Variants in UGT1A8 observed in about 807,000 individuals in gnomAD.
UGT1A8 encodes the protein UDP glucuronosyltransferase family 1 member A8.
A neutral mutation model predicts 45.3 loss-of-function variants in UGT1A8; 39 were observed. That is an observed-to-expected ratio of 0.86 (90% CI 0.67 to 1.12). The LOEUF (loss-of-function observed/expected upper bound fraction) is 1.12, where lower values mean the gene tolerates loss of function less well. Ranked by LOEUF, UGT1A8 falls within the 50% of genes most tolerant of loss-of-function variation. The probability of loss-of-function intolerance (pLI) is 0.00; values close to 1 mark genes in which losing one functional copy is unlikely to be tolerated. For synonymous variants in UGT1A8, 275 were observed against 249.2 expected, an observed-to-expected ratio of 1.10 and a Z score of -0.97; for missense variants, 719 against 664.9, an observed-to-expected ratio of 1.08 and a Z score of -0.90.
In UGT1A8 at chr2:233,772,139, G is replaced by T. The variant is rs1700470475; in HGVS notation, c.1296-123G>T. ...AAAAACAACAACAACAACAATAATA[G>T]AAACAGGTTTCCTTTCCCAAGTTTG... On this transcript the variant is annotated intron_variant, in intron 4 of 4. Coordinates refer to ENST00000373450, the MANE Select transcript of UGT1A8 (RefSeq NM_019076.5). The T allele has an allele frequency of 5.2e-6, 8 of 1,548,574 alleles. No homozygotes were observed. In the Admixed American group the frequency reaches 1.2e-4, roughly 23 times the overall value.
chr2:233,632,934 C>T lies in UGT1A8; in HGVS notation c.855+14372C>T, dbSNP rs528139221. Reference sequence around the variant, plus strand: ...CAGTTTTCAAAGGGAATGCTTCCAGCTTTTGCCCATTCAGTATGATATTGG... The same window carrying T: ...CAGTTTTCAAAGGGAATGCTTCCAGTTTTTGCCCATTCAGTATGATATTGG... On this transcript the variant is annotated intron_variant, in intron 1 of 4. Transcript: ENST00000373450. Among the ~76,000 whole-genome samples, 3 of 152,252 alleles carry T rather than the reference C, an allele frequency of 2.0e-5. 1 individual carries two copies. The South Asian group carries it at 6.2e-4, about 32-fold the overall frequency.
chr2:233,747,691 T>A, intron 1 of UGT1A8: 3 of 1,611,090 alleles, frequency 1.9e-6, no homozygotes, highest in Non-Finnish European at 2.5e-6. Context: ...TGTGGGGCAG[T>A]GCTGGCTAAG....
chr2:233,767,603 A>G (rs1699427666), intron 2 of UGT1A8, among the ~76,000 whole-genome samples: 1 of 152,166 alleles, frequency 6.6e-6, no homozygotes, highest in African/African-American at 2.4e-5. Context: ...GGAAAGTGAA[A>G]AAATCCTAAG....
At chr2:233,657,342 G>A (rs1489831210) in intron 1 of UGT1A8, among the ~76,000 whole-genome samples, 1 of 152,190 alleles carries the variant, frequency 6.6e-6, no homozygotes, top group African/African-American at 2.4e-5. Flanking sequence ...TCTGCAGGCT[G>A]TATAAGAATC....
At chr2:233,715,195 A>G (rs1327063054) in intron 1 of UGT1A8, among the ~76,000 whole-genome samples, 4 of 152,188 alleles carry the variant, frequency 2.6e-5, no homozygotes, top group South Asian at 2.1e-4. Context: ...CAATTTTTCT[A>G]TCTTTTAAAA....
chr2:233,712,754 C>T lies in UGT1A8; in HGVS notation c.856-54280C>T, dbSNP rs910147754. ...GCTTGAACTTGGATGTTCCCCAGAGCGAGCGCAAGGTCAGATGAGTTTTTC... is the reference window on the plus strand; with the variant it reads ...GCTTGAACTTGGATGTTCCCCAGAGTGAGCGCAAGGTCAGATGAGTTTTTC... On this transcript the variant is annotated intron_variant, in intron 1 of 4. Coordinates refer to ENST00000373450, the MANE Select transcript of UGT1A8 (RefSeq NM_019076.5). Among the ~76,000 whole-genome samples the T allele has an allele frequency of 2.6e-5, 4 of 151,984 alleles. No homozygotes were observed. The East Asian group carries it at 5.8e-4, about 22-fold the overall frequency.
chr2:233,744,539 T>C (rs1692841530), intron 1 of UGT1A8, among the ~76,000 whole-genome samples: 1 of 151,924 alleles, frequency 6.6e-6, no homozygotes, highest in African/African-American at 2.4e-5. Flanking sequence ...TTTATGTAAA[T>C]TTTATTAAGA....
At chr2:233,755,244 C>T (rs952358626) in intron 1 of UGT1A8, 19 of 852,102 alleles carry the variant, frequency 2.2e-5, no homozygotes, top group African/African-American at 5.1e-5. Flanking sequence ...CCGGGGTACT[C>T]CCAGCACCTC....
intron 1 of UGT1A8, among the ~76,000 whole-genome samples, chr2:233,684,425 C>T (rs2074679890): frequency 6.6e-6 from 1 of 152,212 alleles, no homozygotes; most frequent in South Asian, 2.1e-4. Context: ...GCCTCACCCT[C>T]TAGCCAAGTG....
At chr2:233,687,377 T>G (rs2074836903) in intron 1 of UGT1A8, among the ~76,000 whole-genome samples, 1 of 152,052 alleles carries the variant, frequency 6.6e-6, no homozygotes, top group Non-Finnish European at 1.5e-5. Context: ...TAGGGAGAAT[T>G]TGCAAATTAA....
chr2:233,718,782 C>T lies in UGT1A8; in HGVS notation c.856-48252C>T, dbSNP rs199517966. On this transcript the variant is annotated intron_variant, in intron 1 of 4. Coordinates refer to ENST00000373450, the MANE Select transcript of UGT1A8 (RefSeq NM_019076.5). ...AAGGAAACAAATGTAGCAGGCACAGCGTGGGGTGGACAGTCAGCTGTCGGT... is the reference window on the plus strand; with the variant it reads ...AAGGAAACAAATGTAGCAGGCACAGTGTGGGGTGGACAGTCAGCTGTCGGT... 246 of 1,612,936 alleles carry T rather than the reference C, an allele frequency of 1.5e-4. No individual in the cohort carries two copies. The East Asian group carries it at 2.9e-3, about 19-fold the overall frequency.
At position 233,672,103 on chromosome 2, in the gene UGT1A8, G is replaced by A. The variant is rs767768121; in HGVS notation, c.855+53541G>A. The A allele has an allele frequency of 5.3e-5, 85 of 1,614,178 alleles. 2 individuals carry two copies. In the South Asian group the frequency reaches 8.9e-4, roughly 17 times the overall value. Reference sequence around the variant, plus strand: ...CATTCTCAGGGGGCATGAGGTGGTTGTAGTCATGCCAGAGGTGAGTTGGCA... The same window carrying A: ...CATTCTCAGGGGGCATGAGGTGGTTATAGTCATGCCAGAGGTGAGTTGGCA... On this transcript the variant is annotated intron_variant, in intron 1 of 4. Coordinates refer to ENST00000373450, the MANE Select transcript of UGT1A8 (RefSeq NM_019076.5).
At chr2:233,747,254 C>A in intron 1 of UGT1A8, 1 of 1,600,766 alleles carries the variant, frequency 6.2e-7, no homozygotes, top group Admixed American at 1.7e-5. Flanking sequence ...TGGCTGGCCA[C>A]AGGAGTGCTA....
chr2:233,755,103 A>G, intron 1 of UGT1A8: 1 of 1,335,002 alleles, frequency 7.5e-7, no homozygotes, highest in Non-Finnish European at 1.0e-6. Flanking sequence ...CGCGTCCGAC[A>G]ACACCTCGTA....
At chr2:233,729,492 G>A (rs2077867797) in intron 1 of UGT1A8, 26 of 1,614,172 alleles carry the variant, frequency 1.6e-5, no homozygotes, top group Non-Finnish European at 2.0e-5. Context: ...ATATGTCTTT[G>A]GTCTATCATA....
At chr2:233,652,307 G>A (rs923173968) in intron 1 of UGT1A8, among the ~76,000 whole-genome samples, 3 of 152,174 alleles carry the variant, frequency 2.0e-5, no homozygotes, top group African/African-American at 7.2e-5. Context: ...AGCAAGGAGA[G>A]ACTACAGTGT....
At chr2:233,768,524 T>C (rs1008769562) in intron 4 of UGT1A8, 85 bp downstream of exon 4, 5 of 1,531,904 alleles carry the variant, frequency 3.3e-6, no homozygotes, top group Non-Finnish European at 4.4e-6. Context: ...ACGTAGCATT[T>C]AATAGCGTTG....
rs111739350 is a variant in UGT1A8 at position 233,753,142 on chromosome 2, A to G, written c.856-13892A>G. The G allele has an allele frequency of 8.2e-3, 1,248 of 152,338 alleles. 11 individuals are homozygous for G. The highest frequency in any genetic ancestry group is 0.011 in the Non-Finnish European group (750 of 68,038). The allele number at this position is 152,338 out of a possible 1,614,324, so 9.4% of individuals were successfully genotyped here. On this transcript the variant is annotated intron_variant, in intron 1 of 4. Coordinates refer to ENST00000373450, the MANE Select transcript of UGT1A8 (RefSeq NM_019076.5). ...CAAACTACTCAGTGAGTATCTTCAC[A>G]CATGTAAGTTCCCTTATCCGGATCA...
chr2:233,747,166 G>A, intron 1 of UGT1A8: 1 of 1,592,464 alleles, frequency 6.3e-7, no homozygotes, highest in Non-Finnish European at 8.5e-7. Context: ...ACAAATGTAG[G>A]AGGCACAGCG....
Sources: gnomAD v4.1 joint callset for allele counts (sites outside exome capture counted in the v4.1 genomes callset) on GRCh38, gnomAD v4.1.1 for gene constraint, MANE v1.5 for transcripts, NCBI Gene and HGNC (gene_info 2026-07-23, HGNC 2026-07-21) for gene names.